The following DEUP1 variants were observed in gnomAD, a reference collection of about 807,000 sequenced individuals.
DEUP1 encodes the protein deuterosome assembly protein 1.
In DEUP1, 82 loss-of-function variants were observed where a neutral mutation model predicts 87.4. The observed-to-expected ratio is 0.94, with a 90% CI of 0.78 to 1.13. The LOEUF is 1.13. Among genes scored for constraint, DEUP1 ranks in the 50% most tolerant of loss-of-function variants. DEUP1 has a pLI of 0.00. For synonymous variants in DEUP1, 214 were observed against 222.7 expected (o/e 0.96, Z 0.35); for missense variants, 663 against 681.5 (o/e 0.97, Z 0.30).
intron 11 of DEUP1, among the ~76,000 whole-genome samples, chr11:93,400,076 T>C (rs374644460): frequency 1.1e-4 from 17 of 152,288 alleles, no homozygotes; most frequent in South Asian, 6.2e-4. Context: ...TTTTTTAATT[T>C]ATTGATGTGT....
chr11:93,350,191 A>G (rs1944560277), intron 2 of DEUP1, among the ~76,000 whole-genome samples: 2 of 152,194 alleles, frequency 1.3e-5, no homozygotes, highest in South Asian at 4.1e-4. Flanking sequence ...TATGGGTCAG[A>G]GTCTACTGTC....
chr11:93,401,938 A>G (rs1399262076), intron 11 of DEUP1, among the ~76,000 whole-genome samples: 1 of 151,978 alleles, frequency 6.6e-6, no homozygotes, highest in Non-Finnish European at 1.5e-5. Flanking sequence ...CCATGACTTT[A>G]GTCTGAGCAA....
rs143652339 is a variant in DEUP1, at chr11:93,374,960, C to T, written c.789+3680C>T. 3.5e-4 allele frequency among the ~76,000 whole-genome samples: 53 copies of T among 150,168 alleles called. 2 individuals are homozygous for T. The East Asian group carries it at 9.0e-3, about 25-fold the overall frequency. ...TGTCATCTGTGATTTTTTTCAGCTG[C>T]GTTTTGTAGTTTTCCTTGTAGAGGT... On this transcript the variant is annotated intron_variant, in intron 7 of 13. Transcript: ENST00000298050.
intron 13 of DEUP1, among the ~76,000 whole-genome samples, chr11:93,417,763 C>T (rs1278259791): frequency 6.6e-6 from 1 of 151,318 alleles, no homozygotes; most frequent in Non-Finnish European, 1.5e-5. Flanking sequence ...AGGCATCATG[C>T]TACCTGACTT....
chr11:93,417,926 G>A (rs1045413442), intron 13 of DEUP1, among the ~76,000 whole-genome samples: 10 of 151,496 alleles, frequency 6.6e-5, no homozygotes, highest in African/African-American at 2.2e-4. Flanking sequence ...AACAAGCAAT[G>A]GGGAAAGGAT....
At position 93,408,346 on chromosome 11, in the gene DEUP1, C is replaced by A. The variant is rs778995829; in HGVS notation, c.1442C>A (p.Thr481Asn). Residue 481 changes from threonine (T) to asparagine (N), a missense_variant, in exon 12 of 14, where the codon ACC becomes AAC. By Grantham distance (65) the Thr-to-Asn change is moderately conservative (BLOSUM62 0). Coordinates refer to ENST00000298050, the MANE Select transcript of DEUP1 (RefSeq NM_181645.4). ...LAKLHVNGKS[T>N]WTNQNTYEET... is the part of the protein sequence containing the mutation. ...AAACTTCATGTCAATGGAAAATCAA[C>A]CTGGACTAATCAAAACACCTATGAA... The A allele has an allele frequency of 1.9e-6, 3 of 1,576,510 alleles. No homozygotes were observed. The Admixed American group carries it at 5.5e-5, about 29-fold the overall frequency.
chr11:93,360,905 CAAAAAAAAA>C (rs35572726), intron 4 of DEUP1, among the ~76,000 whole-genome samples: 9 of 82,412 alleles, frequency 1.1e-4, no homozygotes, highest in African/African-American at 3.8e-4. Flanking sequence ...CAAAACTTAG[CAAAAAAAAA>C]AAAAAAAAAA....
Position 93,332,398 on chromosome 11 carries a change from A to G in DEUP1, c.29+110A>G, listed in dbSNP as rs1016295206. The G allele has an allele frequency of 4.2e-5, 34 of 807,054 alleles. No homozygotes were observed. In the East Asian group the frequency reaches 4.4e-4, roughly 10 times the overall value. 50.0% of individuals were successfully genotyped at this position (807,054 alleles called of 1,614,324 possible). On this transcript the variant is annotated intron_variant, in intron 2 of 13. Coordinates refer to ENST00000298050, the MANE Select transcript of DEUP1 (RefSeq NM_181645.4). The stretch of plus-strand genomic sequence containing the variant: ...CTATTAATAGAAGGATATGCCAATT[A>G]TTTTTGGTGAGGCGGATGAGAGGAA...
chr11:93,371,482 G>A (rs1945726509), intron 7 of DEUP1, among the ~76,000 whole-genome samples: 1 of 152,030 alleles, frequency 6.6e-6, no homozygotes, highest in Non-Finnish European at 1.5e-5. Flanking sequence ...AGTGCACTTT[G>A]GTTCTGCGGT....
At chr11:93,338,597 G>T (rs1228494525) in intron 2 of DEUP1, among the ~76,000 whole-genome samples, 1 of 151,580 alleles carries the variant, frequency 6.6e-6, no homozygotes, top group African/African-American at 2.4e-5. Flanking sequence ...TAGTGGTAGG[G>T]TCTCACTATG....
intron 2 of DEUP1, among the ~76,000 whole-genome samples, chr11:93,342,291 C>T (rs1217899274): frequency 6.6e-6 from 1 of 152,144 alleles, no homozygotes; most frequent in Non-Finnish European, 1.5e-5. Context: ...GCACAAATCA[C>T]ACCCCACAAG....
Position 93,437,731 on chromosome 11 carries a change from T to G in DEUP1, c.*12T>G. 2 of 1,508,324 alleles carry G rather than the reference T, an allele frequency of 1.3e-6. No individual in the cohort carries two copies. Among genetic ancestry groups the G allele is most frequent in the South Asian group, 1.2e-5 (1 of 83,470 alleles). 93.4% of individuals were successfully genotyped at this position (1,508,324 alleles called of 1,614,324 possible). A position where few individuals can be genotyped will look rare whatever the true frequency, so the allele number is the denominator to read the frequency against. ...ATAGACACATATGAGCTTTTAAACTTTTTTATTTGCTTCCCCCCCCCACCC... is the reference window on the plus strand; with the variant it reads ...ATAGACACATATGAGCTTTTAAACTGTTTTATTTGCTTCCCCCCCCCACCC... On this transcript the variant is annotated 3_prime_UTR_variant, in exon 14 of 14. Transcript: ENST00000298050.
Position 93,358,561 on chromosome 11 carries a change from G to A in DEUP1, c.297+1518G>A, listed in dbSNP as rs58175852. Among the ~76,000 whole-genome samples, 996 of 152,132 alleles carry A rather than the reference G, an allele frequency of 6.5e-3. 7 individuals are homozygous for A. The highest frequency in any genetic ancestry group is 0.023 in the African/African-American group (940 of 41,512). Reference sequence around the variant, plus strand: ...AATCCATCGTGTTCCAAAGATATTGGACAATGGAGCTCTTCTTTTTATTTA... The same window carrying A: ...AATCCATCGTGTTCCAAAGATATTGAACAATGGAGCTCTTCTTTTTATTTA... On this transcript the variant is annotated intron_variant, in intron 4 of 13. Transcript: ENST00000298050.
intron 7 of DEUP1, among the ~76,000 whole-genome samples, chr11:93,373,595 G>T (rs868789077): frequency 2.3e-4 from 25 of 111,074 alleles, no homozygotes; most frequent in Admixed American, 3.7e-4. Context: ...ATATATATAC[G>T]TATATATATT....
chr11:93,399,352 C>T (rs1281769444), intron 11 of DEUP1, among the ~76,000 whole-genome samples: 1 of 151,460 alleles, frequency 6.6e-6, no homozygotes, highest in Non-Finnish European at 1.5e-5. Flanking sequence ...TAGTAATTTC[C>T]TGTTGGATCC....
intron 2 of DEUP1, chr11:93,352,154 TA>T: frequency 2.0e-6 from 1 of 505,398 alleles, no homozygotes; most frequent in Middle Eastern, 3.9e-4. Context: ...TTGGTGAAAC[TA>T]AATGGAGGAA....
chr11:93,357,026 C>T lies in DEUP1; in HGVS notation c.280C>T (p.Gln94Ter). The stretch of plus-strand genomic sequence containing the variant: ...GACTCAGAATTATGAAGGACAACTA[C>T]AAAGCCTAAAGGCTCAAGTAAGAAA... ...AMTQNYEGQL[Q>*]SLKAQFSKLT... Residue 94 changes from glutamine to a stop codon, truncating the protein, a stop_gained, in exon 4 of 14, where the codon CAA becomes TAA. Coordinates refer to ENST00000298050, the MANE Select transcript of DEUP1 (RefSeq NM_181645.4). LOFTEE classifies it high-confidence loss of function. 6.3e-7 allele frequency: 1 copy of T among 1,585,236 alleles called. No individual in the cohort carries two copies. The highest frequency in any genetic ancestry group is 8.6e-7 in the Non-Finnish European group (1 of 1,164,512).
intron 2 of DEUP1, among the ~76,000 whole-genome samples, chr11:93,345,801 A>G (rs1944322136): frequency 6.6e-6 from 1 of 152,000 alleles, no homozygotes; most frequent in African/African-American, 2.4e-5. Context: ...CCCCTTCTGT[A>G]GGTTGTCTGT....
At chr11:93,395,289 G>T (rs1337749367) in intron 10 of DEUP1, among the ~76,000 whole-genome samples, 1 of 152,018 alleles carries the variant, frequency 6.6e-6, no homozygotes, top group Non-Finnish European at 1.5e-5. Context: ...GCCTACTATT[G>T]AGAGCACAGG....
Sources: gnomAD v4.1 joint callset for allele counts (sites outside exome capture counted in the v4.1 genomes callset) on GRCh38, gnomAD v4.1.1 for gene constraint, MANE v1.5 for transcripts, NCBI Gene and HGNC (gene_info 2026-07-23, HGNC 2026-07-21) for gene names.